FOXP1: variants seen among roughly 807,000 people sequenced by gnomAD.
FOXP1 encodes the protein forkhead box P1, also known as forkhead box protein P1.
FOXP1 carries 15 observed loss-of-function variants against 98.2 expected under a neutral mutation model. The observed-to-expected ratio is 0.15, with a 90% CI of 0.10 to 0.24. The LOEUF is 0.24. FOXP1 is among the 10% of genes least tolerant of loss of function. The pLI, the probability that FOXP1 is intolerant of heterozygous loss-of-function variation, is 1.00. For synonymous variants in FOXP1, 371 were observed against 314.5 expected, an observed-to-expected ratio of 1.18 and a Z score of -1.90; for missense variants, 633 against 848.5, an observed-to-expected ratio of 0.75 and a Z score of 3.15.
At chr3:71,563,578 T>C (rs896349995) in intron 2 of FOXP1, among the ~76,000 whole-genome samples, 1 of 152,222 alleles carries the variant, frequency 6.6e-6, no homozygotes, top group Admixed American at 6.5e-5. Context: ...TTGGAAAACT[T>C]TGTATTGTAG....
At chr3:71,182,502 A>ATATGTGTGTG (rs1431300428) in intron 6 of FOXP1, among the ~76,000 whole-genome samples, 21 of 133,700 alleles carry the variant, frequency 1.6e-4, no homozygotes, top group African/African-American at 5.9e-4. Context: ...AACTATATAT[A>ATATGTGTGTG]TGTGTGTGTG....
chr3:71,330,243 G>T (rs556892660), intron 4 of FOXP1, among the ~76,000 whole-genome samples: 1 of 152,170 alleles, frequency 6.6e-6, no homozygotes, highest in Non-Finnish European at 1.5e-5. Context: ...TTGGGCAAAG[G>T]TTTTCTTAAC....
At chr3:71,461,945 A>T (rs1403037426) in intron 3 of FOXP1, among the ~76,000 whole-genome samples, 5 of 152,220 alleles carry the variant, frequency 3.3e-5, no homozygotes, top group African/African-American at 1.2e-4. Context: ...AGAGAACTTA[A>T]CCCTCCCCAG....
rs1334112108 is a variant in FOXP1, at chr3:71,544,263, GTATT to G, written c.-298+37282_-298+37285del. ...TGATATAAATCCAGTTATAAAATAT[GTATT>G]TATTTCTTTTAATAATTTATATCAT... On this transcript the variant is annotated intron_variant, in intron 2 of 20. Transcript: ENST00000649528. Among the ~76,000 whole-genome samples the G allele has an allele frequency of 4.6e-5, 7 of 150,794 alleles. 1 individual carries two copies. The South Asian group carries it at 8.3e-4, about 18-fold the overall frequency.
At chr3:71,581,459 C>T (rs1199686559) in intron 2 of FOXP1, 90 bp downstream of exon 2, 1 of 985,484 alleles carries the variant, frequency 1.0e-6, no homozygotes, top group Non-Finnish European at 1.2e-6. Flanking sequence ...CGCGCCACCC[C>T]GGCTGGCTCT....
chr3:71,424,932 A>G (rs982087564), intron 3 of FOXP1, among the ~76,000 whole-genome samples: 2 of 152,254 alleles, frequency 1.3e-5, no homozygotes, highest in African/African-American at 4.8e-5. Context: ...AAGAACAGGG[A>G]AAGCTTTTTC....
intron 5 of FOXP1, among the ~76,000 whole-genome samples, chr3:71,277,180 G>A (rs971827310): frequency 6.6e-6 from 1 of 150,960 alleles, no homozygotes; most frequent in East Asian, 1.9e-4. Flanking sequence ...GGATCATCTC[G>A]ATCTCCTGAC....
intron 2 of FOXP1, among the ~76,000 whole-genome samples, chr3:71,534,944 C>T (rs968269406): frequency 6.6e-6 from 1 of 152,224 alleles, no homozygotes; most frequent in African/African-American, 2.4e-5. Flanking sequence ...GCTAGACCAA[C>T]CAGAACCTCT....
chr3:71,507,357 G>T (rs1577912731), intron 2 of FOXP1, among the ~76,000 whole-genome samples: 1 of 151,660 alleles, frequency 6.6e-6, no homozygotes, highest in Non-Finnish European at 1.5e-5. Context: ...AATCACTGGG[G>T]AGAATTCAAC....
intron 7 of FOXP1, among the ~76,000 whole-genome samples, chr3:71,091,265 G>A (rs976599647): frequency 2.0e-5 from 3 of 151,974 alleles, no homozygotes; most frequent in Admixed American, 6.6e-5. Flanking sequence ...CAAGGTGGGT[G>A]GATCACCTGA....
intron 6 of FOXP1, among the ~76,000 whole-genome samples, chr3:71,187,081 C>T (rs926359383): frequency 3.9e-5 from 6 of 152,252 alleles, no homozygotes; most frequent in Non-Finnish European, 8.8e-5. Flanking sequence ...TTGCTGATTC[C>T]TGGTGTAGTC....
intron 10 of FOXP1, among the ~76,000 whole-genome samples, chr3:71,045,623 G>A (rs2048918606): frequency 6.6e-6 from 1 of 152,172 alleles, no homozygotes; most frequent in South Asian, 2.1e-4. Flanking sequence ...TGCTGAGTAT[G>A]TATCAAGCAG....
At chr3:71,226,258 T>C (rs1319950646) in intron 5 of FOXP1, among the ~76,000 whole-genome samples, 1 of 152,224 alleles carries the variant, frequency 6.6e-6, no homozygotes, top group Non-Finnish European at 1.5e-5. Context: ...TGTCTTGCTT[T>C]GGCTCTTGAG....
intron 2 of FOXP1, among the ~76,000 whole-genome samples, chr3:71,559,673 T>C (rs2046392969): frequency 6.6e-6 from 1 of 152,156 alleles, no homozygotes; most frequent in Non-Finnish European, 1.5e-5. Flanking sequence ...CTGTGAAATC[T>C]CATCTTTATA....
At chr3:71,550,966 A>G (rs2045735498) in intron 2 of FOXP1, among the ~76,000 whole-genome samples, 1 of 152,176 alleles carries the variant, frequency 6.6e-6, no homozygotes, top group Non-Finnish European at 1.5e-5. Context: ...GACTTCACGG[A>G]GTTGGGTTTC....
chr3:71,404,021 A>C (rs2082117123), intron 3 of FOXP1, among the ~76,000 whole-genome samples: 1 of 152,064 alleles, frequency 6.6e-6, no homozygotes, highest in South Asian at 2.1e-4. Flanking sequence ...TCTTTCTAAA[A>C]CAAAGAAGAG....
chr3:70,966,263 G>A (rs1314577605), intron 19 of FOXP1: 2 of 593,856 alleles, frequency 3.4e-6, no homozygotes, highest in East Asian at 6.0e-5. Context: ...CTAACTGGGG[G>A]CCAGGGGGGA....
chr3:71,061,857 TAC>T (rs1440119740), intron 7 of FOXP1, among the ~76,000 whole-genome samples: 1 of 152,226 alleles, frequency 6.6e-6, no homozygotes, highest in African/African-American at 2.4e-5. Flanking sequence ...CAAATGTTAG[TAC>T]AGACTGAGAA....
At chr3:71,209,926 C>T (rs2064326283) in intron 5 of FOXP1, among the ~76,000 whole-genome samples, 1 of 152,306 alleles carries the variant, frequency 6.6e-6, no homozygotes, top group Admixed American at 6.5e-5. Flanking sequence ...GGTAATTTAT[C>T]TATATCTTAC....
Sources: gnomAD v4.1 joint callset for allele counts (sites outside exome capture counted in the v4.1 genomes callset) on GRCh38, gnomAD v4.1.1 for gene constraint, MANE v1.5 for transcripts, NCBI Gene and HGNC (gene_info 2026-07-23, HGNC 2026-07-21) for gene names.